The following GPATCH2 variants were observed in gnomAD, a reference collection of about 807,000 sequenced individuals.
The protein encoded by GPATCH2 is G patch domain-containing protein 2.
Under a neutral mutation model 58.0 loss-of-function variants are expected in GPATCH2, and 51 were observed. The ratio of observed to expected loss-of-function variants is 0.88; its 90% CI spans 0.70 to 1.11. GPATCH2 has a LOEUF of 1.11. Ranked by LOEUF, GPATCH2 falls within the 50% of genes most tolerant of loss-of-function variation. The pLI, the probability that GPATCH2 is intolerant of heterozygous loss-of-function variation, is 0.00. For synonymous variants in GPATCH2, 222 were observed against 218.5 expected, an observed-to-expected ratio of 1.02 and a Z score of -0.14; for missense variants, 625 against 652.2, an observed-to-expected ratio of 0.96 and a Z score of 0.45.
intron 5 of GPATCH2, among the ~76,000 whole-genome samples, chr1:217,536,792 T>C (rs1664494251): frequency 6.6e-6 from 1 of 152,050 alleles, no homozygotes; most frequent in Non-Finnish European, 1.5e-5. Flanking sequence ...CTGACCAACA[T>C]GGTGAAAACC....
At chr1:217,588,647 T>G (rs2102761607) in intron 5 of GPATCH2, among the ~76,000 whole-genome samples, 1 of 152,324 alleles carries the variant, frequency 6.6e-6, no homozygotes, top group South Asian at 2.1e-4. Flanking sequence ...TTAAACTCAG[T>G]AATACTTTCT....
At chr1:217,558,393 A>C (rs1665747418) in intron 5 of GPATCH2, among the ~76,000 whole-genome samples, 1 of 152,240 alleles carries the variant, frequency 6.6e-6, no homozygotes, top group African/African-American at 2.4e-5. Flanking sequence ...CTAACATTAA[A>C]CAACAATGGA....
chr1:217,603,065 A>G (rs1294494084), intron 5 of GPATCH2, among the ~76,000 whole-genome samples: 1 of 152,132 alleles, frequency 6.6e-6, no homozygotes, highest in Non-Finnish European at 1.5e-5. Flanking sequence ...GATTAATGAA[A>G]AAATATATAT....
At chr1:217,450,969 A>C (rs1295909407) in intron 8 of GPATCH2, among the ~76,000 whole-genome samples, 1 of 152,096 alleles carries the variant, frequency 6.6e-6, no homozygotes, top group Non-Finnish European at 1.5e-5. Flanking sequence ...TTAGCATAAG[A>C]CTCCAGTGGT....
chr1:217,599,002 AAG>A (rs1667988197), intron 5 of GPATCH2, among the ~76,000 whole-genome samples: 1 of 152,208 alleles, frequency 6.6e-6, no homozygotes, highest in African/African-American at 2.4e-5. Context: ...TTTTGAAAAA[AAG>A]GTACAGAATT....
chr1:217,616,210 C>A (rs540597160), intron 2 of GPATCH2, among the ~76,000 whole-genome samples: 2 of 152,194 alleles, frequency 1.3e-5, no homozygotes, highest in East Asian at 3.9e-4. Flanking sequence ...AAATTTACAT[C>A]TATTCCAAAG....
At chr1:217,562,925 T>C (rs1320054600) in intron 5 of GPATCH2, among the ~76,000 whole-genome samples, 1 of 152,234 alleles carries the variant, frequency 6.6e-6, no homozygotes, top group Non-Finnish European at 1.5e-5. Flanking sequence ...AACAGTACTA[T>C]GAAATATTGG....
chr1:217,435,515 G>A (rs1658782195), intron 9 of GPATCH2, among the ~76,000 whole-genome samples: 1 of 152,176 alleles, frequency 6.6e-6, no homozygotes, highest in South Asian at 2.1e-4. Context: ...GCCAATGGAA[G>A]GGGAGGTGAC....
chr1:217,482,965 G>T (rs11802900), intron 8 of GPATCH2, among the ~76,000 whole-genome samples: 17,258 of 152,124 alleles, frequency 0.11, 1,740 homozygotes, highest in African/African-American at 0.28. Flanking sequence ...TCACTATGTA[G>T]TAGTTTATGT....
At chr1:217,543,355 C>T (rs920187022) in intron 5 of GPATCH2, among the ~76,000 whole-genome samples, 15 of 151,154 alleles carry the variant, frequency 9.9e-5, no homozygotes, top group African/African-American at 2.9e-4. Context: ...CTGCAAGCTC[C>T]GCCTCCCAGG....
intron 9 of GPATCH2, among the ~76,000 whole-genome samples, chr1:217,438,779 T>G (rs183207862): frequency 1.3e-5 from 2 of 152,066 alleles, no homozygotes; most frequent in South Asian, 2.1e-4. Context: ...TGGAACCAAG[T>G]TGGAAAATAC....
chr1:217,513,025 C>T (rs1662931172), intron 6 of GPATCH2, among the ~76,000 whole-genome samples: 1 of 152,214 alleles, frequency 6.6e-6, no homozygotes, highest in African/African-American at 2.4e-5. Context: ...CGCGGTGGCT[C>T]ACACCTGTAA....
At chr1:217,609,757 A>G (rs1668536494) in intron 5 of GPATCH2, 3 of 948,880 alleles carry the variant, frequency 3.2e-6, no homozygotes, top group Non-Finnish European at 3.8e-6. Context: ...ACAGTCAGAT[A>G]TGTAAAAATT....
intron 1 of GPATCH2, among the ~76,000 whole-genome samples, chr1:217,621,971 T>C (rs1391143419): frequency 6.6e-6 from 1 of 152,220 alleles, no homozygotes; most frequent in Non-Finnish European, 1.5e-5. Context: ...CCGAAAGATC[T>C]CTGTCACAAT....
At chr1:217,537,553 C>G (rs1225483720) in intron 5 of GPATCH2, among the ~76,000 whole-genome samples, 1 of 152,070 alleles carries the variant, frequency 6.6e-6, no homozygotes, top group Non-Finnish European at 1.5e-5. Context: ...TATCACTGTC[C>G]TGATGCTACT....
chr1:217,556,183 C>T (rs1665606319), intron 5 of GPATCH2, among the ~76,000 whole-genome samples: 1 of 152,112 alleles, frequency 6.6e-6, no homozygotes, highest in African/African-American at 2.4e-5. Flanking sequence ...TTTTTAAACT[C>T]TGAAATATAG....
chr1:217,466,926 A>C (rs1357490031), intron 8 of GPATCH2, among the ~76,000 whole-genome samples: 2 of 152,214 alleles, frequency 1.3e-5, no homozygotes, highest in Non-Finnish European at 1.5e-5. Context: ...TAATCCCAGC[A>C]CTTTGCGAGG....
intron 5 of GPATCH2, among the ~76,000 whole-genome samples, chr1:217,540,987 T>C (rs116803597): frequency 0.01 from 1,564 of 152,344 alleles, 11 homozygotes; most frequent in Non-Finnish European, 0.017. Context: ...GTATCCTGTG[T>C]ACTTGTGTGA....
At chr1:217,584,344 A>AAAAAAAAAAAAAAATATAT (rs1463910405) in intron 5 of GPATCH2, among the ~76,000 whole-genome samples, 5 of 101,860 alleles carry the variant, frequency 4.9e-5, no homozygotes, top group South Asian at 3.4e-4. Context: ...AAAAAAAAAA[A>AAAAAAAAAAAAAAATATAT]ATATATATAT....
Sources: allele counts gnomAD v4.1 joint callset (sites outside exome capture counted in the v4.1 genomes callset), GRCh38; gene constraint gnomAD v4.1.1; transcripts MANE v1.5; gene names NCBI Gene and HGNC (gene_info 2026-07-23, HGNC 2026-07-21).